Variants in TTC23 observed in about 807,000 individuals in gnomAD.
TTC23 encodes the protein tetratricopeptide repeat domain 23.
TTC23 carries 58 observed loss-of-function variants against 55.1 expected under a neutral mutation model. The observed-to-expected ratio is 1.05, with a 90% CI of 0.85 to 1.31. TTC23 has a LOEUF of 1.31. Ranked by LOEUF, TTC23 falls within the 50% of genes most tolerant of loss-of-function variation. The pLI is 0.00. For synonymous variants in TTC23, 203 were observed against 199.9 expected (o/e 1.02, Z -0.13); for missense variants, 516 against 534.4 (o/e 0.97, Z 0.34).
chr15:99,181,182 T>C (rs1199441704), intron 9 of TTC23, among the ~76,000 whole-genome samples: 4 of 152,238 alleles, frequency 2.6e-5, no homozygotes, highest in Admixed American at 6.5e-5. Flanking sequence ...CTGCATACTT[T>C]TCCAGTCTAA....
chr15:99,154,433 C>T (rs1164790475), intron 12 of TTC23, among the ~76,000 whole-genome samples: 1 of 152,014 alleles, frequency 6.6e-6, no homozygotes, highest in Admixed American at 6.5e-5. Context: ...AGGACTCTGC[C>T]CTCATGCATA....
Position 99,221,751 on chromosome 15 carries a change from G to A in TTC23, c.294C>T (p.Leu98=), listed in dbSNP as rs763646013. 3 of 1,614,028 alleles carry A rather than the reference G, an allele frequency of 1.9e-6. No homozygotes were observed. The highest frequency in any genetic ancestry group is 2.7e-5 in the African/African-American group (2 of 75,044). ...EAHVNLAQGY[L]QLKGLSLQAK... ...CTAAGGCGAGCTTACCTTTCAGCTG[G>A]AGGTAGCCTTGAGCCAGATTAACAT... Residue 98 remains leucine (L), a synonymous_variant, in exon 6 of 14, where the codon CTC becomes CTT. Coordinates refer to ENST00000394132, the MANE Select transcript of TTC23 (RefSeq NM_001288615.3).
intron 3 of TTC23, among the ~76,000 whole-genome samples, chr15:99,237,034 T>C (rs1349232960): frequency 6.6e-6 from 1 of 151,076 alleles, no homozygotes; most frequent in East Asian, 1.9e-4. Flanking sequence ...CAGGTTGGAG[T>C]ACAATGGCAC....
chr15:99,174,441 T>TC (rs2151929552), intron 10 of TTC23, among the ~76,000 whole-genome samples: 1 of 148,094 alleles, frequency 6.8e-6, no homozygotes, highest in East Asian at 2.0e-4. Flanking sequence ...TGAATTGTAC[T>TC]CCATTTCTGA....
intron 9 of TTC23, among the ~76,000 whole-genome samples, chr15:99,191,074 C>T (rs954031492): frequency 1.3e-5 from 2 of 152,056 alleles, no homozygotes; most frequent in African/African-American, 4.8e-5. Context: ...CATGAGCTAC[C>T]GTGCCTAGTC....
intron 9 of TTC23, among the ~76,000 whole-genome samples, chr15:99,197,583 A>G (rs983925890): frequency 5.3e-5 from 8 of 152,126 alleles, no homozygotes; most frequent in African/African-American, 1.9e-4. Flanking sequence ...CTAGAATTCT[A>G]TGTCCTCCAA....
chr15:99,156,965 A>G (rs1400775184), intron 11 of TTC23, among the ~76,000 whole-genome samples: 1 of 152,078 alleles, frequency 6.6e-6, no homozygotes, highest in East Asian at 1.9e-4. Flanking sequence ...AACACACACA[A>G]TTGTGTGGGT....
At chr15:99,198,430 C>T (rs548899903) in intron 9 of TTC23, among the ~76,000 whole-genome samples, 6 of 152,288 alleles carry the variant, frequency 3.9e-5, no homozygotes, top group Non-Finnish European at 5.9e-5. Flanking sequence ...TTCCTATATC[C>T]ATCTACTTCT....
chr15:99,204,478 C>G (rs1044978930), intron 8 of TTC23, among the ~76,000 whole-genome samples: 1 of 151,914 alleles, frequency 6.6e-6, no homozygotes, highest in Non-Finnish European at 1.5e-5. Flanking sequence ...TGCAGAAGGC[C>G]TTTTAGCTTG....
intron 4 of TTC23, among the ~76,000 whole-genome samples, chr15:99,233,198 T>C (rs1367767625): frequency 6.6e-6 from 1 of 152,188 alleles, no homozygotes; most frequent in African/African-American, 2.4e-5. Context: ...TCCTTGAAAA[T>C]TGCTAAGAAA....
intron 9 of TTC23, among the ~76,000 whole-genome samples, chr15:99,178,464 C>A (rs944450172): frequency 1.3e-5 from 2 of 152,122 alleles, no homozygotes; most frequent in Non-Finnish European, 2.9e-5. Context: ...CAATTTAATT[C>A]CATTTAATTT....
At chr15:99,139,625 A>ACTAT in intron 12 of TTC23, 1 of 1,513,920 alleles carries the variant, frequency 6.6e-7, no homozygotes, top group Non-Finnish European at 8.9e-7. Flanking sequence ...ACTCTCTGTG[A>ACTAT]CTATCTGTAT....
chr15:99,221,534 G>A (rs1429196195), intron 6 of TTC23, among the ~76,000 whole-genome samples: 1 of 152,046 alleles, frequency 6.6e-6, no homozygotes, highest in Admixed American at 6.5e-5. Context: ...AAAAAAACCA[G>A]AAAAGTTAAA....
chr15:99,175,094 A>ATGTG lies in TTC23; in HGVS notation c.817_820dup (p.Ile274ThrfsTer17). 1 of 1,614,188 alleles carries ATGTG rather than the reference A, an allele frequency of 6.2e-7. No homozygotes were observed. The highest frequency in any genetic ancestry group is 1.3e-5 in the African/African-American group (1 of 75,042). ...TGAAGCGACAGCAGCATGGGCGACGATGTGTGCCGAGTCTGCTGCCTCCAC... is the reference window on the plus strand; with the variant it reads ...TGAAGCGACAGCAGCATGGGCGACGATGTGTGTGTGCCGAGTCTGCTGCCTCCAC... On this transcript the variant is annotated frameshift_variant, in exon 10 of 14. Coordinates refer to ENST00000394132, the MANE Select transcript of TTC23 (RefSeq NM_001288615.3). LOFTEE classifies it high-confidence loss of function.
chr15:99,225,580 A>G (rs2078333091), intron 5 of TTC23, among the ~76,000 whole-genome samples: 1 of 152,230 alleles, frequency 6.6e-6, no homozygotes, highest in African/African-American at 2.4e-5. Flanking sequence ...AGTGTATTTG[A>G]AAAATACAAT....
intron 9 of TTC23, among the ~76,000 whole-genome samples, chr15:99,181,479 G>C (rs192798266): frequency 8.9e-4 from 135 of 152,312 alleles, no homozygotes; most frequent in African/African-American, 3.0e-3. Flanking sequence ...TTTGTTTCAA[G>C]TTTGTGCCTT....
chr15:99,160,896 C>G (rs1478418131), intron 11 of TTC23: 1 of 151,832 alleles, frequency 6.6e-6, no homozygotes, highest in South Asian at 2.1e-4. Context: ...GGCCTGTAAT[C>G]CCAGCTACTC....
chr15:99,147,152 T>C (rs912806773), intron 12 of TTC23, among the ~76,000 whole-genome samples: 4 of 150,086 alleles, frequency 2.7e-5, no homozygotes, highest in Non-Finnish European at 4.4e-5. Flanking sequence ...TGACAGGTGG[T>C]CCACCCACCT....
At chr15:99,248,948 T>C (rs1009130073) in intron 1 of TTC23, among the ~76,000 whole-genome samples, 4 of 152,140 alleles carry the variant, frequency 2.6e-5, no homozygotes, top group African/African-American at 4.8e-5. Flanking sequence ...TCCACAAATA[T>C]ACACAAAATT....
Sources: allele counts gnomAD v4.1 joint callset (sites outside exome capture counted in the v4.1 genomes callset), GRCh38; gene constraint gnomAD v4.1.1; transcripts MANE v1.5; gene names NCBI Gene and HGNC (gene_info 2026-07-23, HGNC 2026-07-21).